The following KIF16B variants were observed in gnomAD, a reference collection of about 807,000 sequenced individuals.
KIF16B encodes the protein kinesin-like protein KIF16B.
Under a neutral mutation model 156.3 loss-of-function variants are expected in KIF16B, and 98 were observed. The observed-to-expected ratio is 0.63, with a 90% CI of 0.53 to 0.74. The LOEUF is 0.74. Among genes scored for constraint, KIF16B ranks in the 30% least tolerant of loss-of-function variants. The pLI is 0.00. For synonymous variants in KIF16B, 564 were observed against 583.7 expected, an observed-to-expected ratio of 0.97 and a Z score of 0.49; for missense variants, 1,421 against 1,606.5, an observed-to-expected ratio of 0.88 and a Z score of 1.97.
chr20:16,282,014 T>C (rs1011990599), intron 25 of KIF16B, among the ~76,000 whole-genome samples: 9 of 148,722 alleles, frequency 6.1e-5, no homozygotes, highest in Non-Finnish European at 1.0e-4. Flanking sequence ...GGGCATTCTT[T>C]TTTTTCTTTT....
intron 1 of KIF16B, among the ~76,000 whole-genome samples, chr20:16,561,631 A>G (rs1231671900): frequency 6.6e-6 from 1 of 152,228 alleles, no homozygotes; most frequent in Non-Finnish European, 1.5e-5. Context: ...ATAAAACATT[A>G]CAGTGGAGAA....
At chr20:16,405,161 C>G (rs2065751647) in intron 16 of KIF16B, among the ~76,000 whole-genome samples, 1 of 152,128 alleles carries the variant, frequency 6.6e-6, no homozygotes, top group South Asian at 2.1e-4. Flanking sequence ...TTCCACAACC[C>G]AGTTGGTCTC....
chr20:16,294,742 T>C (rs1273047051), intron 25 of KIF16B, among the ~76,000 whole-genome samples: 1 of 151,980 alleles, frequency 6.6e-6, no homozygotes, highest in East Asian at 1.9e-4. Context: ...ATATCACAGG[T>C]AGGGCAACAG....
intron 25 of KIF16B, among the ~76,000 whole-genome samples, chr20:16,306,808 G>A (rs868478109): frequency 3.9e-5 from 6 of 151,962 alleles, no homozygotes; most frequent in Non-Finnish European, 7.4e-5. Context: ...CAGGACCAAC[G>A]AACATTTTCG....
intron 3 of KIF16B, among the ~76,000 whole-genome samples, chr20:16,519,104 C>T (rs1395324678): frequency 6.6e-6 from 1 of 152,200 alleles, no homozygotes; most frequent in Non-Finnish European, 1.5e-5. Context: ...TAAAATTTAA[C>T]ACATTTGATT....
intron 12 of KIF16B, among the ~76,000 whole-genome samples, chr20:16,479,745 G>C (rs2067925294): frequency 6.6e-6 from 1 of 152,150 alleles, no homozygotes; most frequent in Non-Finnish European, 1.5e-5. Context: ...CAGGTTTGTA[G>C]CCTAGGAGCA....
At chr20:16,308,112 TAAAC>T (rs60236517) in intron 25 of KIF16B, among the ~76,000 whole-genome samples, 3,813 of 152,270 alleles carry the variant, frequency 0.025, 176 homozygotes, top group African/African-American at 0.087. Flanking sequence ...ATCTCATAAA[TAAAC>T]AAAGCTGTAA....
intron 25 of KIF16B, among the ~76,000 whole-genome samples, chr20:16,298,929 A>T (rs1195764815): frequency 6.6e-6 from 1 of 152,050 alleles, no homozygotes; most frequent in Admixed American, 6.6e-5. Flanking sequence ...AAGAGAGAAA[A>T]ACCTACAGAT....
chr20:16,439,635 CA>C (rs1343155852), intron 12 of KIF16B, among the ~76,000 whole-genome samples: 1 of 152,138 alleles, frequency 6.6e-6, no homozygotes, highest in African/African-American at 2.4e-5. Context: ...TCCATTTTTG[CA>C]CTGCTGACAA....
At chr20:16,319,700 A>G (rs1228402009) in intron 24 of KIF16B, among the ~76,000 whole-genome samples, 2 of 152,190 alleles carry the variant, frequency 1.3e-5, no homozygotes, top group East Asian at 3.9e-4. Flanking sequence ...GAGGGGGGCC[A>G]GTCTTGAGGA....
At chr20:16,507,363 A>G (rs1169666540) in intron 7 of KIF16B, among the ~76,000 whole-genome samples, 1 of 152,162 alleles carries the variant, frequency 6.6e-6, no homozygotes, top group Non-Finnish European at 1.5e-5. Context: ...AGCTCCTAGC[A>G]TATACTTAGA....
chr20:16,408,422 C>T (rs943616715), intron 15 of KIF16B, among the ~76,000 whole-genome samples: 8 of 152,064 alleles, frequency 5.3e-5, no homozygotes, highest in Non-Finnish European at 1.0e-4. Context: ...ATGCCTTTTA[C>T]GACTAGGACT....
At chr20:16,468,288 T>C (rs1442116969) in intron 12 of KIF16B, among the ~76,000 whole-genome samples, 2 of 152,156 alleles carry the variant, frequency 1.3e-5, no homozygotes, top group African/African-American at 2.4e-5. Context: ...GGGAAAATTA[T>C]AGGCCGGGCG....
chr20:16,359,445 G>A (rs928208568), intron 22 of KIF16B, among the ~76,000 whole-genome samples: 1 of 152,122 alleles, frequency 6.6e-6, no homozygotes, highest in Non-Finnish European at 1.5e-5. Context: ...CCCAGAATAA[G>A]AAGCCAGTGC....
intron 12 of KIF16B, among the ~76,000 whole-genome samples, chr20:16,478,078 A>C (rs1025580774): frequency 1.3e-5 from 2 of 152,150 alleles, no homozygotes; most frequent in Non-Finnish European, 2.9e-5. Context: ...GTTTATGCAA[A>C]ACTGAAGTGG....
chr20:16,281,616 G>C lies in KIF16B; in HGVS notation c.3796-8205C>G, dbSNP rs188541788. On this transcript the variant is annotated intron_variant, in intron 25 of 25. Transcript: ENST00000354981. ...GGCTACACTGGGTCAAATAGGCTGG[G>C]TTCCCTTTCCAACATGCTCCCAAAT... Among the ~76,000 whole-genome samples, 3 of 152,280 alleles carry C rather than the reference G, an allele frequency of 2.0e-5. No individual in the cohort carries two copies. In the East Asian group the frequency reaches 5.8e-4, roughly 29 times the overall value.
chr20:16,421,034 G>T (rs987286212), intron 15 of KIF16B, among the ~76,000 whole-genome samples: 3 of 152,040 alleles, frequency 2.0e-5, no homozygotes, highest in Non-Finnish European at 4.4e-5. Context: ...TTTGGACAGG[G>T]GTCATGGGTG....
chr20:16,427,096 C>A lies in KIF16B; in HGVS notation c.1612+8G>T, dbSNP rs1208825165. On this transcript the variant is annotated splice_region_variant and intron_variant, in intron 15 of 25. Coordinates refer to ENST00000354981, the MANE Select transcript of KIF16B (RefSeq NM_024704.5). ...ATACAAAGACCTGTGAAAATTAAAA[C>A]CAGATACCTTGATTTAGATGTGTGG... The A allele has an allele frequency of 2.5e-6, 4 of 1,592,166 alleles. No homozygotes were observed. The African/African-American group carries it at 4.1e-5, about 16-fold the overall frequency.
intron 12 of KIF16B, among the ~76,000 whole-genome samples, chr20:16,466,523 T>A (rs946650800): frequency 6.6e-6 from 1 of 152,110 alleles, no homozygotes; most frequent in Non-Finnish European, 1.5e-5. Flanking sequence ...TCTCACGAGA[T>A]CTGATGGTTT....
Sources: allele counts gnomAD v4.1 joint callset (sites outside exome capture counted in the v4.1 genomes callset), GRCh38; gene constraint gnomAD v4.1.1; transcripts MANE v1.5; gene names NCBI Gene and HGNC (gene_info 2026-07-23, HGNC 2026-07-21).